Variants in TJP1 observed in about 807,000 individuals in gnomAD.
TJP1 encodes tight junction protein ZO-1.
A neutral mutation model predicts 194.2 loss-of-function variants in TJP1; 43 were observed. The ratio of observed to expected loss-of-function variants is 0.22; its 90% CI spans 0.17 to 0.29. TJP1 has a LOEUF of 0.29. Among genes scored for constraint, TJP1 ranks in the 10% least tolerant of loss-of-function variants. The pLI, the probability that TJP1 is intolerant of heterozygous loss-of-function variation, is 1.00. For missense variants in TJP1, 1,971 were observed against 2,185.7 expected, an observed-to-expected ratio of 0.90 and a Z score of 1.96; for synonymous variants, 801 against 779.0, an observed-to-expected ratio of 1.03 and a Z score of -0.47.
At position 29,706,301 on chromosome 15, in the gene TJP1, A is replaced by T. The variant is rs375162574; in HGVS notation, c.4851-556T>A. 3.9e-5 allele frequency among the ~76,000 whole-genome samples: 6 copies of T among 152,328 alleles called. 1 individual carries two copies. The highest frequency in any genetic ancestry group is 2.1e-4 in the South Asian group (1 of 4,816). Reference sequence around the variant, plus strand: ...AATTCTAGAGAAATGTCAAAAATTCAATTTTTGAAGGCAATTAGTCAAACG... The same window carrying T: ...AATTCTAGAGAAATGTCAAAAATTCTATTTTTGAAGGCAATTAGTCAAACG... On this transcript the variant is annotated intron_variant, in intron 25 of 27. Coordinates refer to ENST00000614355, the MANE Select transcript of TJP1 (RefSeq NM_001330239.4).
intron 2 of TJP1, among the ~76,000 whole-genome samples, chr15:29,893,698 T>C (rs992002536): frequency 1.5e-5 from 2 of 137,606 alleles, no homozygotes; most frequent in African/African-American, 5.7e-5. Flanking sequence ...ATATATATTG[T>C]TTTTCAGACA....
chr15:29,945,883 C>T (rs745691911), intron 2 of TJP1, among the ~76,000 whole-genome samples: 42 of 152,066 alleles, frequency 2.8e-4, no homozygotes, highest in Non-Finnish European at 4.6e-4. Flanking sequence ...ATCTTTTCTG[C>T]TGTCTGCTGA....
At chr15:29,901,736 G>A (rs1328228736) in intron 2 of TJP1, among the ~76,000 whole-genome samples, 3 of 151,522 alleles carry the variant, frequency 2.0e-5, no homozygotes, top group Non-Finnish European at 4.4e-5. Context: ...CAGGAGAATC[G>A]CTTGAACCTG....
In TJP1 at chr15:29,821,996, G is replaced by A. The variant is rs1348038384; in HGVS notation, c.27+6C>T. On this transcript the variant is annotated splice_donor_region_variant and intron_variant, in intron 1 of 27. Coordinates refer to ENST00000614355, the MANE Select transcript of TJP1 (RefSeq NM_001330239.4). ...GTCTGGCCCTGGCGGCCGCGGAGGC[G>A]CTCACCTTGGCGGCCGCAGCTCTGG... The A allele has an allele frequency of 7.5e-7, 1 of 1,331,704 alleles. No homozygotes were observed. The highest frequency in any genetic ancestry group is 2.2e-5 in the South Asian group (1 of 46,080). 82.5% of individuals were successfully genotyped at this position (1,331,704 alleles called of 1,614,324 possible).
chr15:29,708,246 G>A (rs1232532956), intron 25 of TJP1, among the ~76,000 whole-genome samples: 1 of 149,794 alleles, frequency 6.7e-6, no homozygotes, highest in African/African-American at 2.5e-5. Context: ...ATGACCAGCA[G>A]CTAAATTGAG....
At chr15:29,882,458 T>C (rs922585082) in intron 2 of TJP1, among the ~76,000 whole-genome samples, 3 of 152,180 alleles carry the variant, frequency 2.0e-5, no homozygotes, top group Admixed American at 6.5e-5. Flanking sequence ...TTTGTGACTT[T>C]CATTCTAAAT....
intron 1 of TJP1, among the ~76,000 whole-genome samples, chr15:29,962,605 C>T (rs1463525956): frequency 6.6e-6 from 1 of 152,160 alleles, no homozygotes; most frequent in Non-Finnish European, 1.5e-5. Flanking sequence ...AGGGGAATTC[C>T]AAACAACAGT....
chr15:29,701,895 A>G (rs1249393696), intron 27 of TJP1, among the ~76,000 whole-genome samples: 2 of 152,232 alleles, frequency 1.3e-5, no homozygotes, highest in Non-Finnish European at 2.9e-5. Flanking sequence ...ACTTCTAAAA[A>G]AATTTTTTTT....
At chr15:29,926,985 A>G (rs2054547277) in intron 2 of TJP1, among the ~76,000 whole-genome samples, 1 of 152,242 alleles carries the variant, frequency 6.6e-6, no homozygotes, top group Non-Finnish European at 1.5e-5. Context: ...ATTATCAGAT[A>G]GAAGTTCTAC....
At chr15:29,802,574 T>A (rs2048857870) in intron 1 of TJP1, among the ~76,000 whole-genome samples, 2 of 151,976 alleles carry the variant, frequency 1.3e-5, no homozygotes, top group Admixed American at 1.3e-4. Context: ...AGCTGTTTTT[T>A]TTTTTTTAAA....
chr15:29,885,991 G>C (rs2053103145), intron 2 of TJP1, among the ~76,000 whole-genome samples: 1 of 152,178 alleles, frequency 6.6e-6, no homozygotes, highest in African/African-American at 2.4e-5. Context: ...AAAAGCATTA[G>C]GGTTTTTCAA....
intron 2 of TJP1, among the ~76,000 whole-genome samples, chr15:29,871,895 C>CA (rs1220166316): frequency 2.6e-5 from 4 of 151,892 alleles, no homozygotes; most frequent in Non-Finnish European, 4.4e-5. Context: ...GAAGTATAAA[C>CA]AAAAAAAAGT....
At chr15:29,921,894 G>C (rs2054375415) in intron 2 of TJP1, among the ~76,000 whole-genome samples, 2 of 150,304 alleles carry the variant, frequency 1.3e-5, no homozygotes, top group Admixed American at 6.6e-5. Flanking sequence ...GCCCAGGCTG[G>C]AGTACAATGG....
chr15:29,774,285 C>T (rs1254420058), intron 2 of TJP1, among the ~76,000 whole-genome samples: 1 of 151,970 alleles, frequency 6.6e-6, no homozygotes, highest in East Asian at 1.9e-4. Flanking sequence ...ACCTTTCCTC[C>T]CATCCCAAAG....
rs1378057079 is a variant in TJP1, at chr15:29,732,801, G to A, written c.1751C>T (p.Ala584Val). The A allele has an allele frequency of 1.3e-6, 2 of 1,594,914 alleles. No homozygotes were observed. The highest frequency in any genetic ancestry group is 4.5e-5 in the East Asian group (2 of 44,718). Residue 584 changes from alanine (A) to valine (V), a missense_variant, in exon 14 of 28, where the codon GCC becomes GTC. This residue lies in a region of TJP1 where 402 missense variants were observed against 484.2 expected (regional missense o/e 0.83). Coordinates refer to ENST00000614355, the MANE Select transcript of TJP1 (RefSeq NM_001330239.4). ...TTTTGGAAGTGTATACTGTACACTG[G>A]CTAGCTGCTCAGCTCTACACAAGAA... The part of the protein sequence containing the change: ...IPNKNRAEQL[A>V]SVQYTLPKTA...
intron 12 of TJP1, among the ~76,000 whole-genome samples, 189 bp from the exon 13 acceptor site, chr15:29,733,502 G>A (rs547104368): frequency 6.6e-6 from 1 of 152,270 alleles, no homozygotes. Flanking sequence ...CTTCCATTTT[G>A]CAGATGAGGA....
Position 29,705,714 on chromosome 15 carries a change from C to T in TJP1, c.4882G>A (p.Asp1628Asn), listed in dbSNP as rs1367006722. 4 of 1,614,156 alleles carry T rather than the reference C, an allele frequency of 2.5e-6. No individual in the cohort carries two copies. Among genetic ancestry groups the T allele is most frequent in the Non-Finnish European group, 3.4e-6 (4 of 1,180,036 alleles). ...PSAVEEDEDE[D>N]GHTVVATARG... ...GCTGTGGCCACCACAGTATGACCATCTTCATCTTCATCCTCTTCCACAGCT... is the reference window on the plus strand; with the variant it reads ...GCTGTGGCCACCACAGTATGACCATTTTCATCTTCATCCTCTTCCACAGCT... The change falls in exon 26 of 28, where the codon GAT (aspartate) becomes AAT (asparagine). Residue 1628 changes from aspartate to asparagine, a missense_variant. Physicochemically the swap from Asp to Asn is conservative, Grantham distance 23 (BLOSUM62 1). Transcript: ENST00000614355.
intron 2 of TJP1, among the ~76,000 whole-genome samples, chr15:29,794,670 G>C (rs998968142): frequency 8.5e-5 from 13 of 152,174 alleles, no homozygotes; most frequent in African/African-American, 3.1e-4. Flanking sequence ...AGCATACAAA[G>C]GGAAACATAC....
intron 2 of TJP1, among the ~76,000 whole-genome samples, chr15:29,856,680 AT>A (rs1337766627): frequency 9.9e-5 from 15 of 152,176 alleles, no homozygotes; most frequent in African/African-American, 3.1e-4. Context: ...TCTTAAAAAA[AT>A]ATGTGGGTGC....
Sources: gnomAD v4.1 joint callset for allele counts (sites outside exome capture counted in the v4.1 genomes callset) on GRCh38, gnomAD v4.1.1 for gene constraint, gnomAD v4.1.1 regional missense constraint, MANE v1.5 for transcripts, NCBI Gene and HGNC (gene_info 2026-07-23, HGNC 2026-07-21) for gene names.